Variants in VAV2 observed in about 807,000 individuals in gnomAD.
The protein encoded by VAV2 is vav guanine nucleotide exchange factor 2.
Under a neutral mutation model 132.5 loss-of-function variants are expected in VAV2, and 67 were observed. The ratio of observed to expected loss-of-function variants is 0.51; its 90% CI spans 0.42 to 0.62. The LOEUF (loss-of-function observed/expected upper bound fraction) is 0.62, where lower values mean the gene tolerates loss of function less well. Ranked by LOEUF, VAV2 falls within the 20% of genes least tolerant of loss-of-function variation. The probability of loss-of-function intolerance (pLI) is 0.00; values close to 1 mark genes in which losing one functional copy is unlikely to be tolerated. For synonymous variants in VAV2, 492 were observed against 443.5 expected (o/e 1.11, Z -1.37); for missense variants, 938 against 1,153.6 (o/e 0.81, Z 2.71).
chr9:133,941,255 A>C (rs1207916773), intron 1 of VAV2, among the ~76,000 whole-genome samples: 1 of 152,010 alleles, frequency 6.6e-6, no homozygotes, highest in Non-Finnish European at 1.5e-5. Context: ...TAAAAATACA[A>C]AAATTAGCCG....
chr9:133,855,997 C>T (rs555664549), intron 3 of VAV2, among the ~76,000 whole-genome samples: 2 of 152,212 alleles, frequency 1.3e-5, no homozygotes, highest in East Asian at 1.9e-4. Context: ...ACGCAATGAC[C>T]GGCTACGGCT....
chr9:133,917,130 AC>A (rs1840120817), intron 2 of VAV2, among the ~76,000 whole-genome samples: 1 of 144,346 alleles, frequency 6.9e-6, no homozygotes, highest in Non-Finnish European at 1.5e-5. Flanking sequence ...CCTGCTCCCC[AC>A]CCAGAGGCCT....
intron 4 of VAV2, among the ~76,000 whole-genome samples, chr9:133,821,639 A>C (rs1193998352): frequency 2.0e-5 from 3 of 152,230 alleles, no homozygotes; most frequent in Non-Finnish European, 2.9e-5. Context: ...CAGCATTAAA[A>C]ATGACAGATT....
At chr9:133,882,020 A>C (rs1377141487) in intron 2 of VAV2, among the ~76,000 whole-genome samples, 1 of 152,064 alleles carries the variant, frequency 6.6e-6, no homozygotes, top group Non-Finnish European at 1.5e-5. Flanking sequence ...GTCTCCACTG[A>C]CTCTCCAGAA....
Position 133,944,397 on chromosome 9 carries a change from T to C in VAV2, c.205-5178A>G, listed in dbSNP as rs1382773236. 9.9e-5 allele frequency among the ~76,000 whole-genome samples: 15 copies of C among 152,228 alleles called. 1 individual carries two copies. Among genetic ancestry groups the C allele is most frequent in the Admixed American group, 9.8e-4 (15 of 15,284 alleles). ...GCCGGGGGAGGCAAATCCACTTGCCTGAGTCACATAGCCAGCAGGCCTCAG... is the reference window on the plus strand; with the variant it reads ...GCCGGGGGAGGCAAATCCACTTGCCCGAGTCACATAGCCAGCAGGCCTCAG... On this transcript the variant is annotated intron_variant, in intron 1 of 29. Transcript: ENST00000371850.
intron 2 of VAV2, among the ~76,000 whole-genome samples, chr9:133,916,680 G>A (rs779458169): frequency 2.6e-5 from 4 of 152,204 alleles, no homozygotes; most frequent in African/African-American, 9.7e-5. Flanking sequence ...GAGTTGGCTA[G>A]AGGCTCACGG....
At chr9:133,832,805 C>T (rs867262086) in intron 4 of VAV2, among the ~76,000 whole-genome samples, 11 of 152,162 alleles carry the variant, frequency 7.2e-5, no homozygotes, top group East Asian at 3.9e-4. Flanking sequence ...GTGATCCGCC[C>T]GCCTCAGCCT....
chr9:133,804,580 G>C lies in VAV2; in HGVS notation c.836+1501C>G, dbSNP rs543696074. ...ACACAGCCAGCCATTCCTCCTCCAG[G>C]GCTTCAGCCTTTGACGGACCTCGAA... On this transcript the variant is annotated intron_variant, in intron 9 of 29. Coordinates refer to ENST00000371850, the MANE Select transcript of VAV2 (RefSeq NM_001134398.2). This position sits in a 1 kb window ranked among gnomAD's most constrained non-coding sequence, Gnocchi z 4.5. Among the ~76,000 whole-genome samples, 6 of 152,286 alleles carry C rather than the reference G, an allele frequency of 3.9e-5. No individual in the cohort carries two copies. In the East Asian group the frequency reaches 9.6e-4, roughly 24 times the overall value.
chr9:133,939,018 T>G, intron 2 of VAV2, 85 bp downstream of exon 2: 2 of 1,265,640 alleles, frequency 1.6e-6, no homozygotes, highest in Non-Finnish European at 2.3e-6. Flanking sequence ...ATCAGGCTGC[T>G]CCATGGATCT....
intron 27 of VAV2, among the ~76,000 whole-genome samples, 188 bp downstream of exon 27, chr9:133,770,190 C>T (rs562095103): frequency 2.7e-4 from 41 of 152,332 alleles, no homozygotes; most frequent in African/African-American, 9.6e-4. Flanking sequence ...GCAGAGTCCC[C>T]GCCTGTCACA....
chr9:133,810,283 A>G, intron 5 of VAV2, 78 bp from the exon 6 acceptor site: 1 of 1,599,302 alleles, frequency 6.3e-7, no homozygotes, highest in Middle Eastern at 1.7e-4. Context: ...GGCCTGGGAC[A>G]TCAGGAACGC....
Position 133,910,976 on chromosome 9 carries a change from A to G in VAV2, c.321+28127T>C, listed in dbSNP as rs534447267. Among the ~76,000 whole-genome samples the G allele has an allele frequency of 2.6e-5, 4 of 152,262 alleles. No homozygotes were observed. The East Asian group carries it at 7.7e-4, about 29-fold the overall frequency. The stretch of plus-strand genomic sequence containing the variant: ...ACCGTGTTTGTCTATGGGTCACGGC[A>G]GTGATGGGACAGAGCCAGAGATGAA... On this transcript the variant is annotated intron_variant, in intron 2 of 29. Coordinates refer to ENST00000371850, the MANE Select transcript of VAV2 (RefSeq NM_001134398.2).
intron 2 of VAV2, among the ~76,000 whole-genome samples, chr9:133,922,341 C>T (rs1840326921): frequency 6.6e-6 from 1 of 152,206 alleles, no homozygotes; most frequent in Non-Finnish European, 1.5e-5. Flanking sequence ...CCCAGTGGAC[C>T]AAGGGGCCTG....
chr9:133,766,098 G>A (rs1390659498), intron 29 of VAV2, among the ~76,000 whole-genome samples: 1 of 152,224 alleles, frequency 6.6e-6, no homozygotes, highest in Non-Finnish European at 1.5e-5. Context: ...AGGAAATGGT[G>A]TTGGGTGGAA....
In VAV2 at chr9:133,806,167, C is replaced by T. The variant is rs1460614148; in HGVS notation, c.750G>A (p.Val250=). ...VFINLEDLIK[V]HHSFLRAIDV... is the part of the protein sequence containing the mutation. ...CGATGGCCCTCAGGAAGCTGTGATG[C>T]ACCTTGATCAGGTCCTGGGTTGAAA... The change falls in exon 9 of 30, where the codon GTG becomes GTA. Residue 250 remains valine, a synonymous_variant. Coordinates refer to ENST00000371850, the MANE Select transcript of VAV2 (RefSeq NM_001134398.2). 1.9e-6 allele frequency: 3 copies of T among 1,612,350 alleles called. No individual in the cohort carries two copies. The highest frequency in any genetic ancestry group is 1.7e-6 in the Non-Finnish European group (2 of 1,179,756).
At chr9:133,990,642 C>A (rs1008898546) in intron 1 of VAV2, among the ~76,000 whole-genome samples, 2 of 152,306 alleles carry the variant, frequency 1.3e-5, no homozygotes, top group Middle Eastern at 3.4e-3. Context: ...CACCTTGGTT[C>A]GAGGCCCAGC....
chr9:133,790,645 G>A (rs1414638947), intron 13 of VAV2, among the ~76,000 whole-genome samples: 3 of 152,214 alleles, frequency 2.0e-5, no homozygotes, highest in Admixed American at 6.5e-5. Context: ...GGGTGCGGCC[G>A]TCCTTGGCCT....
intron 2 of VAV2, among the ~76,000 whole-genome samples, chr9:133,914,949 C>T (rs2132056485): frequency 6.6e-6 from 1 of 152,078 alleles, no homozygotes; most frequent in South Asian, 2.1e-4. Flanking sequence ...CAGCGCCACA[C>T]CAGTGCTGGG....
chr9:133,767,905 C>T (rs150576790), intron 29 of VAV2, among the ~76,000 whole-genome samples: 33 of 152,304 alleles, frequency 2.2e-4, no homozygotes, highest in Admixed American at 5.9e-4. Context: ...GAAGAGGCCA[C>T]AGACATATGC....
Sources: allele counts gnomAD v4.1 joint callset (sites outside exome capture counted in the v4.1 genomes callset), GRCh38; gene constraint gnomAD v4.1.1; non-coding constraint Gnocchi (gnomAD v3.1); transcripts MANE v1.5; gene names NCBI Gene and HGNC (gene_info 2026-07-23, HGNC 2026-07-21).